ABCB7: variants seen among roughly 807,000 people sequenced by gnomAD.
ABCB7 encodes the protein iron-sulfur clusters transporter ABCB7, mitochondrial.
Under a neutral mutation model 54.4 loss-of-function variants are expected in ABCB7, and 7 were observed. That is an observed-to-expected ratio of 0.13 (90% CI 0.07 to 0.24). The LOEUF (loss-of-function observed/expected upper bound fraction) is 0.24. ABCB7 is among the 10% of genes least tolerant of loss of function. ABCB7 has a pLI of 1.00. For synonymous variants in ABCB7, 218 were observed against 207.1 expected (o/e 1.05, Z -0.45); for missense variants, 356 against 570.4 (o/e 0.62, Z 3.83).
At chrX:75,090,291 A>G (rs1167675348) in intron 4 of ABCB7, among the ~76,000 whole-genome samples, 1 of 110,454 alleles carries the variant, frequency 9.1e-6, no homozygotes, top group East Asian at 2.8e-4. Context: ...AAAAATACAC[A>G]TAGCACGAAG....
intron 15 of ABCB7, among the ~76,000 whole-genome samples, chrX:75,055,197 T>C (rs1809575227): frequency 9.0e-6 from 1 of 111,058 alleles, no homozygotes; most frequent in Non-Finnish European, 1.9e-5. Flanking sequence ...TGAACAACTT[T>C]ATATGCTTCT....
intron 4 of ABCB7, among the ~76,000 whole-genome samples, chrX:75,094,645 G>A (rs1405627777): frequency 9.0e-6 from 1 of 110,956 alleles, no homozygotes; most frequent in Non-Finnish European, 1.9e-5. Flanking sequence ...CCCGGGAGGC[G>A]GAGTTTGCAG....
chrX:75,087,468 A>C (rs957848022), intron 4 of ABCB7, among the ~76,000 whole-genome samples: 1 of 112,323 alleles, frequency 8.9e-6, no homozygotes, highest in Non-Finnish European at 1.9e-5. Context: ...TCTAGGCAAC[A>C]AAGCAAATGT....
Position 75,118,600 on chromosome X carries a change from T to C in ABCB7, c.169-3769A>G, listed in dbSNP as rs1209805020. 4.5e-5 allele frequency among the ~76,000 whole-genome samples: 5 copies of C among 111,472 alleles called. No homozygotes were observed. The East Asian group carries it at 1.4e-3, about 31-fold the overall frequency. On this transcript the variant is annotated intron_variant, in intron 1 of 15. Transcript: ENST00000373394. ...TCTCAAAATCTAAGGCTCTGTTCCATTTTGCATTCCATTATCTGATATTTT... is the reference window on the plus strand; with the variant it reads ...TCTCAAAATCTAAGGCTCTGTTCCACTTTGCATTCCATTATCTGATATTTT...
intron 1 of ABCB7, among the ~76,000 whole-genome samples, chrX:75,118,984 G>A (rs765241397): frequency 6.3e-5 from 7 of 111,964 alleles, no homozygotes; most frequent in Non-Finnish European, 3.8e-5. Context: ...AAAAACTGGC[G>A]AATGAAGAAC....
intron 3 of ABCB7, among the ~76,000 whole-genome samples, chrX:75,099,348 T>C (rs1458982787): frequency 7.2e-5 from 8 of 111,844 alleles, no homozygotes; most frequent in Admixed American, 6.7e-4. Context: ...ACATGTACTA[T>C]ACATTTATTT....
At chrX:75,068,175 C>A (rs982706109) in intron 12 of ABCB7, among the ~76,000 whole-genome samples, 1 of 110,688 alleles carries the variant, frequency 9.0e-6, no homozygotes, top group South Asian at 3.9e-4. Flanking sequence ...TCCATGTGTG[C>A]GATCATTTAG....
At chrX:75,109,399 T>C (rs2081737161) in intron 3 of ABCB7, among the ~76,000 whole-genome samples, 1 of 111,705 alleles carries the variant, frequency 9.0e-6, no homozygotes, top group Non-Finnish European at 1.9e-5. Context: ...GGTCAAGCAC[T>C]GAAGCAAGAG....
intron 1 of ABCB7, among the ~76,000 whole-genome samples, chrX:75,137,672 A>C (rs2147562414): frequency 8.9e-6 from 1 of 112,690 alleles, no homozygotes; most frequent in South Asian, 3.7e-4. Flanking sequence ...AATGTGGTAC[A>C]TACACACTAT....
chrX:75,145,075 C>T (rs1399185389), intron 1 of ABCB7, among the ~76,000 whole-genome samples: 1 of 110,460 alleles, frequency 9.1e-6, no homozygotes, highest in East Asian at 2.8e-4. Context: ...ATAATGAGTT[C>T]TTTACTTGAG....
At chrX:75,136,612 C>G (rs1414350619) in intron 1 of ABCB7, among the ~76,000 whole-genome samples, 5 of 111,460 alleles carry the variant, frequency 4.5e-5, no homozygotes, top group African/African-American at 1.6e-4. Flanking sequence ...GGCATGGAGG[C>G]ATCACAATAC....
At chrX:75,075,083 T>C (rs1400879348) in intron 6 of ABCB7, among the ~76,000 whole-genome samples, 1 of 112,026 alleles carries the variant, frequency 8.9e-6, no homozygotes, top group Non-Finnish European at 1.9e-5. Flanking sequence ...TAGTCCAATG[T>C]CATATACAAA....
chrX:75,069,944 G>A (rs924022729), intron 10 of ABCB7, among the ~76,000 whole-genome samples: 7 of 110,577 alleles, frequency 6.3e-5, no homozygotes, highest in African/African-American at 9.9e-5. Context: ...GCAGGATCTC[G>A]GCTCACCACA....
At chrX:75,114,558 A>C (rs2147524654) in intron 2 of ABCB7, among the ~76,000 whole-genome samples, 196 bp downstream of exon 2, 1 of 112,750 alleles carries the variant, frequency 8.9e-6, no homozygotes, top group East Asian at 2.8e-4. Flanking sequence ...AGATTCAGAT[A>C]GATTTTTCCA....
intron 10 of ABCB7, among the ~76,000 whole-genome samples, chrX:75,069,779 A>C (rs751901677): frequency 1.3e-4 from 15 of 111,782 alleles, no homozygotes; most frequent in African/African-American, 4.9e-4. Flanking sequence ...TTATTAGATA[A>C]GTAAATTCAG....
At chrX:75,092,240 G>C (rs2081549949) in intron 4 of ABCB7, among the ~76,000 whole-genome samples, 1 of 110,881 alleles carries the variant, frequency 9.0e-6, no homozygotes, top group South Asian at 3.8e-4. Context: ...TAGATCAATG[G>C]AAATAGAAGA....
chrX:75,148,207 T>G (rs188168511), intron 1 of ABCB7, among the ~76,000 whole-genome samples: 1 of 112,232 alleles, frequency 8.9e-6, no homozygotes. Flanking sequence ...AAATTGGACT[T>G]CAAATAAATG....
chrX:75,079,875 C>T (rs1175474438), intron 4 of ABCB7, among the ~76,000 whole-genome samples: 1 of 111,860 alleles, frequency 8.9e-6, no homozygotes, highest in Non-Finnish European at 1.9e-5. Context: ...TTCTACCTGC[C>T]TCACCCCAGT....
intron 4 of ABCB7, among the ~76,000 whole-genome samples, chrX:75,096,511 T>C (rs778412532): frequency 8.9e-6 from 1 of 111,752 alleles, no homozygotes; most frequent in South Asian, 3.8e-4. Flanking sequence ...CTGTCCCTAG[T>C]TGTCTTCTAT....
Sources: gnomAD v4.1 joint callset for allele counts (sites outside exome capture counted in the v4.1 genomes callset) on GRCh38, gnomAD v4.1.1 for gene constraint, MANE v1.5 for transcripts, NCBI Gene and HGNC (gene_info 2026-07-23, HGNC 2026-07-21) for gene names.